The following SMARCB1 variants were observed in gnomAD, a reference collection of about 807,000 sequenced individuals.
The protein encoded by SMARCB1 is SWI/SNF-related matrix-associated actin-dependent regulator of chromatin subfamily B member 1.
A neutral mutation model predicts 49.0 loss-of-function variants in SMARCB1; 5 were observed. The observed-to-expected ratio is 0.10, with a 90% CI of 0.05 to 0.21. SMARCB1 has a LOEUF of 0.21. Among genes scored for constraint, SMARCB1 ranks in the 10% least tolerant of loss-of-function variants. SMARCB1 has a pLI of 1.00. For missense variants in SMARCB1, 226 were observed against 509.2 expected, an observed-to-expected ratio of 0.44 and a Z score of 5.35; for synonymous variants, 201 against 200.1, an observed-to-expected ratio of 1.00 and a Z score of -0.04.
Position 23,837,213 on chromosome 22 carries a change from A to C in SMARCB1, c.*3033A>C, listed in dbSNP as rs772304121. 118 of 1,588,922 alleles carry C rather than the reference A, an allele frequency of 7.4e-5. No individual in the cohort carries two copies. The highest frequency in any genetic ancestry group is 9.4e-5 in the Non-Finnish European group (110 of 1,168,108). On this transcript the variant is annotated 3_prime_UTR_variant, in exon 9 of 9. Coordinates refer to ENST00000644036, the MANE Select transcript of SMARCB1 (RefSeq NM_003073.5). ...CCACAGCCCAGAGTCCTAGACCAGC[A>C]GAGCCTGCCCCAGGCCCCCATCCAC... is the stretch of plus-strand genomic sequence containing the variant.
Position 23,834,395 on chromosome 22 carries a change from C to T in SMARCB1, c.*215C>T, listed in dbSNP as rs1316280226. 1 of 702,570 alleles carries T rather than the reference C, an allele frequency of 1.4e-6. No homozygotes were observed. The highest frequency in any genetic ancestry group is 2.6e-6 in the Non-Finnish European group (1 of 387,154). The allele number at this position is 702,570 out of a possible 1,614,324, so 43.5% of individuals were successfully genotyped here. ...CCACCCCACCCTCCCTACCCCTCCC[C>T]AGTCTCTGGGGTCAGGAAGAAACCT... On this transcript the variant is annotated 3_prime_UTR_variant, in exon 9 of 9. Transcript: ENST00000644036.
At chr22:23,790,300 C>G (rs1382122953) in intron 1 of SMARCB1, among the ~76,000 whole-genome samples, 3 of 152,244 alleles carry the variant, frequency 2.0e-5, no homozygotes, top group African/African-American at 7.2e-5. Flanking sequence ...ATAGAGGGGT[C>G]TGTGCCCTCT....
In SMARCB1 at chr22:23,837,105, G is replaced by A; in HGVS notation, c.*2925G>A. The A allele has an allele frequency of 6.2e-7, 1 of 1,614,030 alleles. No individual in the cohort carries two copies. The highest frequency in any genetic ancestry group is 2.2e-5 in the East Asian group (1 of 44,872). On this transcript the variant is annotated 3_prime_UTR_variant, in exon 9 of 9. Transcript: ENST00000644036. Reference sequence around the variant, plus strand: ...GCAGGAGCCTCTTGCCTCCAGGCTGGTTGGGGAAGACGTCCTCCAGGAAGT... The same window carrying A: ...GCAGGAGCCTCTTGCCTCCAGGCTGATTGGGGAAGACGTCCTCCAGGAAGT...
In SMARCB1 at chr22:23,834,746, G is replaced by T; in HGVS notation, c.*566G>T. 6.7e-7 allele frequency: 1 copy of T among 1,493,706 alleles called. No individual in the cohort carries two copies. The allele number at this position is 1,493,706 out of a possible 1,614,324, so 92.5% of individuals were successfully genotyped here. ...GTTCTCCTTCCAGACCCAGAGAGCT[G>T]AGAAGAGTAGCTGTGAGGCTCAGGG... On this transcript the variant is annotated 3_prime_UTR_variant, in exon 9 of 9. Coordinates refer to ENST00000644036, the MANE Select transcript of SMARCB1 (RefSeq NM_003073.5).
At chr22:23,787,554 G>A (rs527284305) in intron 1 of SMARCB1, among the ~76,000 whole-genome samples, 11 of 152,324 alleles carry the variant, frequency 7.2e-5, no homozygotes, top group Middle Eastern at 6.8e-3. Context: ...CCAGTCAGAC[G>A]CAAAGAAACG....
At chr22:23,833,826 GAGGC>G in intron 8 of SMARCB1, 123 bp downstream of exon 8, 2 of 1,153,816 alleles carry the variant, frequency 1.7e-6, no homozygotes, top group Non-Finnish European at 2.6e-6. Context: ...AGTGCTGCTA[GAGGC>G]AGGCAGGCTT....
At chr22:23,807,752 C>T (rs1929583721) in intron 5 of SMARCB1, among the ~76,000 whole-genome samples, 1 of 151,624 alleles carries the variant, frequency 6.6e-6, no homozygotes, top group South Asian at 2.1e-4. Flanking sequence ...GACAACTTAC[C>T]TGTAGGGAAA....
At chr22:23,807,707 A>G (rs948806676) in intron 5 of SMARCB1, among the ~76,000 whole-genome samples, 1 of 152,200 alleles carries the variant, frequency 6.6e-6, no homozygotes, top group African/African-American at 2.4e-5. Context: ...AACTCAACAC[A>G]AAGAAAAAAA....
chr22:23,813,922 C>T (rs5760047), intron 5 of SMARCB1, among the ~76,000 whole-genome samples: 57,979 of 151,986 alleles, frequency 0.38, 13,520 homozygotes, highest in Admixed American at 0.51. Flanking sequence ...CTCCACCTTC[C>T]GGTTTCAAGC....
intron 7 of SMARCB1, chr22:23,825,741 C>G (rs2030350460): frequency 2.6e-6 from 1 of 378,122 alleles, no homozygotes; most frequent in South Asian, 3.8e-5. Context: ...CACCCTCTCT[C>G]TCTGCTCTTG....
At chr22:23,801,676 A>C (rs1007004928) in intron 4 of SMARCB1, 1 of 303,652 alleles carries the variant, frequency 3.3e-6, no homozygotes. Flanking sequence ...CCTTCTCTGC[A>C]TGAAACTTCC....
At chr22:23,816,462 G>T in intron 5 of SMARCB1, 1 of 549,640 alleles carries the variant, frequency 1.8e-6, no homozygotes, top group Non-Finnish European at 3.3e-6. Flanking sequence ...GGCCTCGCCT[G>T]GATCATCTCA....
intron 2 of SMARCB1, 35 bp downstream of exon 2, chr22:23,791,929 A>T: frequency 2.5e-6 from 4 of 1,610,082 alleles, no homozygotes; most frequent in Non-Finnish European, 3.4e-6. Flanking sequence ...ACCTGTTTCA[A>T]AACCACTCGC....
chr22:23,824,739 A>T (rs2030283718), intron 6 of SMARCB1: 2 of 195,380 alleles, frequency 1.0e-5, no homozygotes, highest in Admixed American at 5.3e-5. Context: ...CACCGTGTTG[A>T]CCCAGAGTGG....
At chr22:23,815,008 T>C (rs1436961949) in intron 5 of SMARCB1, 1 of 148,656 alleles carries the variant, frequency 6.7e-6, no homozygotes, top group Non-Finnish European at 1.5e-5. Flanking sequence ...GGAAGAGAAA[T>C]TTCACTAAAG....
At chr22:23,813,581 A>T (rs751983429) in intron 5 of SMARCB1, among the ~76,000 whole-genome samples, 3 of 152,206 alleles carry the variant, frequency 2.0e-5, no homozygotes, top group Non-Finnish European at 2.9e-5. Flanking sequence ...CCAACAAAAC[A>T]TTTACAGGAC....
rs1451505032 is a variant in SMARCB1 at position 23,800,939 on chromosome 22, C to A, written c.363-5C>A. 3 of 1,612,646 alleles carry A rather than the reference C, an allele frequency of 1.9e-6. No individual in the cohort carries two copies. The highest frequency in any genetic ancestry group is 2.7e-5 in the African/African-American group (2 of 74,898). On this transcript the variant is annotated splice_polypyrimidine_tract_variant and splice_region_variant and intron_variant, in intron 3 of 8. Coordinates refer to ENST00000644036, the MANE Select transcript of SMARCB1 (RefSeq NM_003073.5). ...ACTGGGAGGACTTTTCTTGTATCTC[C>A]TCAGGGAACAGAAGGCCAAGAGGAA... is the stretch of plus-strand genomic sequence containing the variant.
rs6003885 is a variant in SMARCB1 at position 23,793,751 on chromosome 22, A to G, written c.362+63A>G. On this transcript the variant is annotated intron_variant, in intron 3 of 8. Coordinates refer to ENST00000644036, the MANE Select transcript of SMARCB1 (RefSeq NM_003073.5). ...TGTGGGGTCTTTTCTGAGACTCAAGAACTGGTTGGGTTGAAGTTAAATTGA... is the reference window on the plus strand; with the variant it reads ...TGTGGGGTCTTTTCTGAGACTCAAGGACTGGTTGGGTTGAAGTTAAATTGA... 0.015 allele frequency: 22,418 copies of G among 1,521,056 alleles called. 1,089 individuals are homozygous for G. The African/African-American group carries it at 0.16, about 11-fold the overall frequency. The allele number at this position is 1,521,056 out of a possible 1,614,324, so 94.2% of individuals were successfully genotyped here.
Position 23,835,093 on chromosome 22 carries a change from G to A in SMARCB1, c.*913G>A. The stretch of plus-strand genomic sequence containing the variant: ...GGGCCAGCTCCTGCCTTACAAGCCA[G>A]CTGTGAGGAATATGGGAATAGCCCT... On this transcript the variant is annotated 3_prime_UTR_variant, in exon 9 of 9. Transcript: ENST00000644036. 7.2e-7 allele frequency: 1 copy of A among 1,397,674 alleles called. No homozygotes were observed. Among genetic ancestry groups the A allele is most frequent in the Non-Finnish European group, 9.3e-7 (1 of 1,079,120 alleles). 86.6% of individuals were successfully genotyped at this position (1,397,674 alleles called of 1,614,324 possible).
Sources: gnomAD v4.1 joint callset for allele counts (sites outside exome capture counted in the v4.1 genomes callset) on GRCh38, gnomAD v4.1.1 for gene constraint, MANE v1.5 for transcripts, NCBI Gene and HGNC (gene_info 2026-07-23, HGNC 2026-07-21) for gene names.